Variants in UST observed in about 807,000 individuals in gnomAD.
UST encodes uronyl 2-sulfotransferase, also known as chondroitin sulfate 2-O-sulfotransferase.
UST carries 21 observed loss-of-function variants against 45.6 expected under a neutral mutation model. The observed-to-expected ratio is 0.46, with a 90% CI of 0.33 to 0.66. The LOEUF (loss-of-function observed/expected upper bound fraction) is 0.66. UST is among the 30% of genes least tolerant of loss of function. The probability of loss-of-function intolerance (pLI) is 0.02; values close to 1 mark genes in which losing one functional copy is unlikely to be tolerated. For synonymous variants in UST, 215 were observed against 200.6 expected (o/e 1.07, Z -0.61); for missense variants, 463 against 512.4 (o/e 0.90, Z 0.93).
At chr6:148,955,084 T>A (rs1378620786) in intron 4 of UST, among the ~76,000 whole-genome samples, 1 of 152,236 alleles carries the variant, frequency 6.6e-6, no homozygotes, top group Non-Finnish European at 1.5e-5. Context: ...GCCTCCCTTG[T>A]CAGCCCTCTG....
rs111846897 is a variant in UST, at chr6:148,864,357, G to A, written c.248-22629G>A. On this transcript the variant is annotated intron_variant, in intron 1 of 7. Coordinates refer to ENST00000367463, the MANE Select transcript of UST (RefSeq NM_005715.3). The stretch of plus-strand genomic sequence containing the variant: ...CATTTGCTAAGACCATTGGAAAATC[G>A]CAGTATTAGGGTGGGAGTGACCTGA... Among the ~76,000 whole-genome samples, 837 of 152,316 alleles carry A rather than the reference G, an allele frequency of 5.5e-3. 8 individuals are homozygous for A. Among genetic ancestry groups the A allele is most frequent in the African/African-American group, 0.019 (796 of 41,576 alleles).
chr6:148,795,561 A>T (rs946776084), intron 1 of UST, among the ~76,000 whole-genome samples: 12 of 152,170 alleles, frequency 7.9e-5, no homozygotes, highest in Non-Finnish European at 1.6e-4. Flanking sequence ...TATGAAAAAA[A>T]GTCCTCTCAA....
intron 1 of UST, among the ~76,000 whole-genome samples, chr6:148,792,782 A>G (rs17085135): frequency 0.21 from 32,359 of 152,186 alleles, 3,755 homozygotes; most frequent in East Asian, 0.32. Context: ...TCAAAAATTA[A>G]TGTTACATGA....
intron 7 of UST, among the ~76,000 whole-genome samples, chr6:149,030,210 C>T (rs1351937782): frequency 2.0e-5 from 3 of 152,158 alleles, no homozygotes; most frequent in Non-Finnish European, 2.9e-5. Context: ...CTGACATTCA[C>T]GCTTCTGTCC....
At chr6:148,806,678 C>T (rs1464379441) in intron 1 of UST, among the ~76,000 whole-genome samples, 3 of 152,182 alleles carry the variant, frequency 2.0e-5, no homozygotes, top group Non-Finnish European at 2.9e-5. Flanking sequence ...TAGTCTGTTG[C>T]TGTAACAGCA....
intron 4 of UST, among the ~76,000 whole-genome samples, chr6:148,959,445 A>G (rs1183035499): frequency 3.3e-5 from 5 of 152,218 alleles, no homozygotes; most frequent in African/African-American, 9.6e-5. Context: ...CCTTAAATAC[A>G]GCGCAGAAGT....
chr6:148,796,480 T>TGCCACCACA (rs1776949956), intron 1 of UST, among the ~76,000 whole-genome samples: 1 of 151,902 alleles, frequency 6.6e-6, no homozygotes, highest in East Asian at 2.0e-4. Context: ...AAAAATTAGA[T>TGCCACCACA]GGACGTGGTG....
intron 5 of UST, among the ~76,000 whole-genome samples, chr6:148,985,028 A>G (rs1781213693): frequency 6.6e-6 from 1 of 152,180 alleles, no homozygotes; most frequent in African/African-American, 2.4e-5. Flanking sequence ...AGTTGGAGTA[A>G]GCTGATGCAA....
At chr6:149,000,176 A>G (rs1781520673) in intron 5 of UST, among the ~76,000 whole-genome samples, 1 of 152,176 alleles carries the variant, frequency 6.6e-6, no homozygotes, top group African/African-American at 2.4e-5. Flanking sequence ...TCACTTTCCA[A>G]GTAAAGGAAG....
chr6:149,065,709 A>T (rs1165963578), intron 7 of UST, among the ~76,000 whole-genome samples: 1 of 152,212 alleles, frequency 6.6e-6, no homozygotes, highest in African/African-American at 2.4e-5. Flanking sequence ...AATATCAAAT[A>T]AAATAATGTA....
intron 1 of UST, among the ~76,000 whole-genome samples, chr6:148,793,814 C>G (rs1026822751): frequency 6.6e-6 from 1 of 152,190 alleles, no homozygotes; most frequent in African/African-American, 2.4e-5. Context: ...TTTCTTTTGG[C>G]TGCAGTTTGT....
chr6:148,794,038 T>C (rs745414162), intron 1 of UST, among the ~76,000 whole-genome samples: 1 of 152,246 alleles, frequency 6.6e-6, no homozygotes, highest in Non-Finnish European at 1.5e-5. Flanking sequence ...TCAGCTTTCA[T>C]AGACACTGCC....
chr6:148,766,331 A>ATCGCTC lies in UST; in HGVS notation c.247+18656_247+18657insGCTCTC, dbSNP rs1562561248. 3.2e-3 allele frequency among the ~76,000 whole-genome samples: 491 copies of ATCGCTC among 151,598 alleles called. 7 individuals carry two copies. The highest frequency in any genetic ancestry group is 0.011 in the African/African-American group (462 of 41,074). ...AAGGATCAGAGACACATGTTCTCCT[A>ATCGCTC]TCACTCTCACCCACTCACCCACTTG... On this transcript the variant is annotated intron_variant, in intron 1 of 7. Transcript: ENST00000367463.
rs532726323 is a variant in UST at position 149,036,801 on chromosome 6, G to A, written c.937+15320G>A. Among the ~76,000 whole-genome samples the A allele has an allele frequency of 3.9e-5, 6 of 152,122 alleles. No individual in the cohort carries two copies. The East Asian group carries it at 9.7e-4, about 24-fold the overall frequency. The stretch of plus-strand genomic sequence containing the variant: ...GTAATTGATTAATTAATCCCTTTTG[G>A]GTTTTTACTGGATGACATTACCATG... On this transcript the variant is annotated intron_variant, in intron 7 of 7. Coordinates refer to ENST00000367463, the MANE Select transcript of UST (RefSeq NM_005715.3).
chr6:148,895,894 CT>C (rs1165727808), intron 2 of UST, among the ~76,000 whole-genome samples: 1 of 152,198 alleles, frequency 6.6e-6, no homozygotes. Context: ...CCACAAGTTC[CT>C]AAGAAAGATT....
intron 1 of UST, among the ~76,000 whole-genome samples, chr6:148,774,464 A>G (rs537765820): frequency 3.9e-4 from 59 of 152,090 alleles, no homozygotes; most frequent in Non-Finnish European, 7.5e-4. Context: ...TCTTAATAAT[A>G]ACTCAAATTC....
intron 5 of UST, among the ~76,000 whole-genome samples, chr6:149,001,737 C>A (rs186082629): frequency 6.6e-6 from 1 of 151,916 alleles, no homozygotes; most frequent in African/African-American, 2.4e-5. Flanking sequence ...GGTACAAGGG[C>A]ATAAAAAGCA....
chr6:148,937,179 G>A (rs961754642), intron 2 of UST, among the ~76,000 whole-genome samples: 1 of 152,168 alleles, frequency 6.6e-6, no homozygotes, highest in African/African-American at 2.4e-5. Context: ...TACGTTTGTG[G>A]TAGTGCATTA....
At chr6:148,849,353 T>C (rs947034799) in intron 1 of UST, among the ~76,000 whole-genome samples, 1 of 152,130 alleles carries the variant, frequency 6.6e-6, no homozygotes, top group Non-Finnish European at 1.5e-5. Flanking sequence ...GAATTAATCA[T>C]CCCAATGAAG....
Sources: gnomAD v4.1 joint callset for allele counts (sites outside exome capture counted in the v4.1 genomes callset) on GRCh38, gnomAD v4.1.1 for gene constraint, MANE v1.5 for transcripts, NCBI Gene and HGNC (gene_info 2026-07-23, HGNC 2026-07-21) for gene names.